The following EHF variants were observed in gnomAD, a reference collection of about 807,000 sequenced individuals.
EHF encodes the protein ETS homologous factor.
In EHF, 14 loss-of-function variants were observed where a neutral mutation model predicts 45.1. The ratio of observed to expected loss-of-function variants is 0.31; its 90% confidence interval spans 0.21 to 0.49. The LOEUF is 0.49. EHF is among the 20% of genes least tolerant of loss of function. EHF has a pLI of 0.99. For synonymous variants in EHF, 136 were observed against 131.8 expected (o/e 1.03, Z -0.22); for missense variants, 282 against 371.4 (o/e 0.76, Z 1.98).
intron 1 of EHF, chr11:34,632,641 A>C (rs993048385): frequency 5.2e-6 from 8 of 1,535,482 alleles, no homozygotes; most frequent in Middle Eastern, 1.7e-4. Flanking sequence ...CCTAGCTGAA[A>C]TTCTTTTCAA....
At chr11:34,646,855 G>A in intron 3 of EHF, 171 bp downstream of exon 3, 2 of 821,346 alleles carry the variant, frequency 2.4e-6, no homozygotes, top group African/African-American at 1.7e-5. Flanking sequence ...CAGGATTGAA[G>A]CATAGGGTAC....
At chr11:34,640,563 C>T (rs1254829073) in intron 1 of EHF, among the ~76,000 whole-genome samples, 2 of 152,202 alleles carry the variant, frequency 1.3e-5, no homozygotes, top group Non-Finnish European at 2.9e-5. Flanking sequence ...TTCCACCAGC[C>T]ACCCGGTCTG....
At chr11:34,643,916 A>G (rs558256933) in intron 2 of EHF, among the ~76,000 whole-genome samples, 16 of 152,284 alleles carry the variant, frequency 1.1e-4, no homozygotes, top group Admixed American at 1.0e-3. Context: ...TGCCACTTTT[A>G]TTTCTTAAAT....
intron 1 of EHF, among the ~76,000 whole-genome samples, chr11:34,633,184 C>T (rs1379670798): frequency 2.0e-5 from 3 of 152,128 alleles, no homozygotes; most frequent in African/African-American, 7.2e-5. Context: ...TTTTGAGTAT[C>T]CAATTATTGT....
At chr11:34,622,010 T>G (rs1852016944) in intron 1 of EHF, 1 of 156,224 alleles carries the variant, frequency 6.4e-6, no homozygotes, top group Non-Finnish European at 1.4e-5. Context: ...TAACCCTTTG[T>G]TTACTCCATT....
At chr11:34,649,185 A>T (rs946350871) in intron 4 of EHF, 104 bp downstream of exon 4, 10 of 1,198,398 alleles carry the variant, frequency 8.3e-6, no homozygotes, top group African/African-American at 1.5e-5. Context: ...TTTGCAGGAA[A>T]CACAGGGAGG....
Position 34,642,874 on chromosome 11 carries a change from T to C in EHF, c.97+147T>C, listed in dbSNP as rs74370086. The C allele has an allele frequency of 2.9e-3, 1,828 of 639,308 alleles. 29 individuals are homozygous for C. Among genetic ancestry groups the C allele is most frequent in the East Asian group, 0.027 (965 of 35,770 alleles). 39.6% of individuals were successfully genotyped at this position (639,308 alleles called of 1,614,324 possible). ...GAATGGAGAAAACTCAGTTTTGGAGTTCCCTACCAGCCCCCAGCGTTCCAG... is the reference window on the plus strand; with the variant it reads ...GAATGGAGAAAACTCAGTTTTGGAGCTCCCTACCAGCCCCCAGCGTTCCAG... On this transcript the variant is annotated intron_variant, in intron 2 of 8. Coordinates refer to ENST00000257831, the MANE Select transcript of EHF (RefSeq NM_012153.6).
At chr11:34,638,750 A>G (rs568436013) in intron 1 of EHF, among the ~76,000 whole-genome samples, 1 of 152,236 alleles carries the variant, frequency 6.6e-6, no homozygotes, top group African/African-American at 2.4e-5. Context: ...ACCACTACCT[A>G]GGGTGGCTGA....
At chr11:34,635,744 G>A (rs946487871) in intron 1 of EHF, among the ~76,000 whole-genome samples, 2 of 138,330 alleles carry the variant, frequency 1.4e-5, no homozygotes, top group Non-Finnish European at 3.1e-5. Context: ...GCTATGGTAT[G>A]TGGGAGTGCA....
At chr11:34,646,340 G>A (rs887354097) in intron 2 of EHF, 99 bp from the exon 3 acceptor site, 7 of 1,561,868 alleles carry the variant, frequency 4.5e-6, no homozygotes, top group Non-Finnish European at 5.2e-6. Context: ...CTGTGGTTGT[G>A]TCTCTGAGAT....
intron 3 of EHF, 49 bp from the exon 4 acceptor site, chr11:34,648,970 T>A: frequency 1.9e-6 from 3 of 1,565,820 alleles, no homozygotes; most frequent in Non-Finnish European, 2.6e-6. Context: ...AGCATCCAGT[T>A]CTGGCTCCAT....
intron 1 of EHF, chr11:34,632,797 C>T: frequency 1.0e-6 from 1 of 989,560 alleles, no homozygotes; most frequent in South Asian, 1.5e-5. Context: ...TGTGAATAGT[C>T]CATCAGGGTA....
chr11:34,647,839 T>G (rs1295263977), intron 3 of EHF, among the ~76,000 whole-genome samples: 1 of 152,228 alleles, frequency 6.6e-6, no homozygotes, highest in Non-Finnish European at 1.5e-5. Flanking sequence ...TTTCTTTGAC[T>G]AGAATCAAAC....
At chr11:34,641,340 C>T (rs1853975349) in intron 1 of EHF, among the ~76,000 whole-genome samples, 1 of 152,148 alleles carries the variant, frequency 6.6e-6, no homozygotes, top group South Asian at 2.1e-4. Flanking sequence ...CATTATTGGG[C>T]TGATAAATAT....
intron 1 of EHF, among the ~76,000 whole-genome samples, chr11:34,636,602 T>A (rs1461870538): frequency 2.0e-5 from 3 of 152,200 alleles, no homozygotes; most frequent in Non-Finnish European, 4.4e-5. Flanking sequence ...GGAATTTTGT[T>A]ATGTGGGGAG....
At chr11:34,645,807 C>T (rs547900467) in intron 2 of EHF, among the ~76,000 whole-genome samples, 2 of 152,272 alleles carry the variant, frequency 1.3e-5, no homozygotes, top group Admixed American at 6.5e-5. Flanking sequence ...CCTAGCTAGG[C>T]AGCTTTATAC....
At chr11:34,649,102 G>T in intron 4 of EHF, 21 bp downstream of exon 4, 1 of 1,613,070 alleles carries the variant, frequency 6.2e-7, no homozygotes, top group Non-Finnish European at 8.5e-7. Context: ...GTGGACAAAG[G>T]GAGCCAACCT....
intron 5 of EHF, 51 bp from the exon 6 acceptor site, chr11:34,651,686 A>C: frequency 6.2e-7 from 1 of 1,609,092 alleles, no homozygotes; most frequent in Non-Finnish European, 8.5e-7. Context: ...TTCTATTGTG[A>C]GGTGGGGGGA....
At chr11:34,639,353 A>C (rs552067158) in intron 1 of EHF, among the ~76,000 whole-genome samples, 198 of 152,380 alleles carry the variant, frequency 1.3e-3, no homozygotes, top group African/African-American at 4.6e-3. Context: ...CCCAGAAAGC[A>C]ATTACTATAT....
Sources: gnomAD v4.1 joint callset for allele counts (sites outside exome capture counted in the v4.1 genomes callset) on GRCh38, gnomAD v4.1.1 for gene constraint, MANE v1.5 for transcripts, NCBI Gene and HGNC (gene_info 2026-07-23, HGNC 2026-07-21) for gene names.